The following FOXP1 variants were observed in gnomAD, a reference collection of about 807,000 sequenced individuals.
FOXP1 encodes forkhead box protein P1.
FOXP1 carries 15 observed loss-of-function variants against 98.2 expected under a neutral mutation model. The ratio of observed to expected loss-of-function variants is 0.15; its 90% CI spans 0.10 to 0.24. The LOEUF is 0.24. FOXP1 is among the 10% of genes least tolerant of loss of function. The probability of loss-of-function intolerance (pLI) is 1.00; values close to 1 mark genes in which losing one functional copy is unlikely to be tolerated. For missense variants in FOXP1, 633 were observed against 848.5 expected, an observed-to-expected ratio of 0.75 and a Z score of 3.15; for synonymous variants, 371 against 314.5, an observed-to-expected ratio of 1.18 and a Z score of -1.90.
intron 2 of FOXP1, chr3:71,572,011 T>A (rs2047379454): frequency 6.6e-6 from 1 of 152,240 alleles, no homozygotes. Context: ...CTTTAAAATA[T>A]GCAGAAATCA....
At chr3:71,541,849 A>C in intron 2 of FOXP1, 1 of 424,336 alleles carries the variant, frequency 2.4e-6, no homozygotes, top group South Asian at 1.8e-5. Context: ...AAACAAAAAA[A>C]CACCTTCTAG....
chr3:71,183,546 A>G (rs1011238056), intron 6 of FOXP1, among the ~76,000 whole-genome samples: 5 of 152,150 alleles, frequency 3.3e-5, no homozygotes, highest in Non-Finnish European at 5.9e-5. Context: ...GTTTGCAGAC[A>G]ATTTACCATG....
At chr3:71,127,435 A>T (rs1313844841) in intron 6 of FOXP1, among the ~76,000 whole-genome samples, 2 of 152,156 alleles carry the variant, frequency 1.3e-5, no homozygotes, top group African/African-American at 4.8e-5. Context: ...GTTTCAGCCC[A>T]TGCTGTATCT....
intron 3 of FOXP1, among the ~76,000 whole-genome samples, chr3:71,443,726 G>A (rs2086157680): frequency 6.6e-6 from 1 of 152,156 alleles, no homozygotes; most frequent in Non-Finnish European, 1.5e-5. Flanking sequence ...AGGGAGCTGA[G>A]TCTCATTTTG....
chr3:71,401,702 C>T (rs1354093791), intron 3 of FOXP1, among the ~76,000 whole-genome samples: 3 of 152,238 alleles, frequency 2.0e-5, no homozygotes, highest in Non-Finnish European at 4.4e-5. Context: ...TGCTCTAGTG[C>T]TGCACTAATT....
chr3:71,238,717 C>T (rs761288155), intron 5 of FOXP1, among the ~76,000 whole-genome samples: 22 of 152,180 alleles, frequency 1.4e-4, no homozygotes, highest in Non-Finnish European at 2.2e-4. Context: ...TGACTATTAT[C>T]GTTACAGGCA....
At chr3:71,240,065 A>G (rs1429245590) in intron 5 of FOXP1, among the ~76,000 whole-genome samples, 1 of 152,276 alleles carries the variant, frequency 6.6e-6, no homozygotes, top group Admixed American at 6.5e-5. Flanking sequence ...CACAGTCCCA[A>G]GAAATGAGAA....
Position 71,183,287 on chromosome 3 carries a change from A to G in FOXP1, c.180+14915T>C, listed in dbSNP as rs868740836. On this transcript the variant is annotated intron_variant, in intron 6 of 20. Coordinates refer to ENST00000649528, the MANE Select transcript of FOXP1 (RefSeq NM_001349338.3). ...GGCGGGTGGATCATTTGAGGTCTGGAGTTCAAGACCAGCCTGGCCAACATG... is the reference window on the plus strand; with the variant it reads ...GGCGGGTGGATCATTTGAGGTCTGGGGTTCAAGACCAGCCTGGCCAACATG... Among the ~76,000 whole-genome samples, 5 of 152,202 alleles carry G rather than the reference A, an allele frequency of 3.3e-5. No homozygotes were observed. In the Middle Eastern group the frequency reaches 0.01, roughly 311 times the overall value.
chr3:71,499,337 C>T (rs570501058), intron 2 of FOXP1, among the ~76,000 whole-genome samples: 1 of 152,278 alleles, frequency 6.6e-6, no homozygotes, highest in African/African-American at 2.4e-5. Flanking sequence ...ATGCAAAAGT[C>T]AAATTCAATG....
intron 2 of FOXP1, chr3:71,541,871 A>G (rs1011735064): frequency 4.8e-5 from 21 of 441,392 alleles, no homozygotes; most frequent in Non-Finnish European, 9.1e-5. Flanking sequence ...TTATTTATTC[A>G]GACGGTCTTG....
intron 11 of FOXP1, among the ~76,000 whole-genome samples, chr3:71,027,342 T>C (rs2046270278): frequency 6.6e-6 from 1 of 152,184 alleles, no homozygotes; most frequent in African/African-American, 2.4e-5. Context: ...TTCTAAGAGT[T>C]ACATCATACT....
At chr3:71,470,252 T>C (rs904545550) in intron 3 of FOXP1, among the ~76,000 whole-genome samples, 1 of 152,160 alleles carries the variant, frequency 6.6e-6, no homozygotes, top group Non-Finnish European at 1.5e-5. Flanking sequence ...TGTTTCTTCA[T>C]CTGTAAAACA....
intron 11 of FOXP1, among the ~76,000 whole-genome samples, chr3:71,040,650 A>G (rs551639072): frequency 6.6e-6 from 1 of 152,330 alleles, no homozygotes; most frequent in South Asian, 2.1e-4. Context: ...CAATTCAAAA[A>G]TAAAATGTCT....
At chr3:71,064,929 G>T in intron 7 of FOXP1, 1 of 338,442 alleles carries the variant, frequency 3.0e-6, no homozygotes, top group Non-Finnish European at 4.1e-6. Flanking sequence ...GACTGCACGC[G>T]CGCAGGGGCG....
At chr3:71,454,801 A>C (rs1184318548) in intron 3 of FOXP1, among the ~76,000 whole-genome samples, 3 of 56,730 alleles carry the variant, frequency 5.3e-5, no homozygotes, top group Non-Finnish European at 1.9e-4. Flanking sequence ...CTTTAAAAAA[A>C]AAAACAAAAA....
intron 19 of FOXP1, chr3:70,966,302 A>T: frequency 1.9e-6 from 1 of 527,224 alleles, no homozygotes; most frequent in Non-Finnish European, 3.4e-6. Context: ...GAAGGACTCA[A>T]TTTGGTCCTG....
intron 11 of FOXP1, among the ~76,000 whole-genome samples, chr3:71,029,246 A>G (rs1168077646): frequency 1.3e-5 from 2 of 152,192 alleles, no homozygotes; most frequent in African/African-American, 4.8e-5. Context: ...ACTATATGCC[A>G]GGCTGGCTTG....
intron 4 of FOXP1, among the ~76,000 whole-genome samples, chr3:71,315,407 A>G (rs989641640): frequency 6.6e-6 from 1 of 152,236 alleles, no homozygotes; most frequent in African/African-American, 2.4e-5. Flanking sequence ...CCAATAAAAA[A>G]AAAGACAAGG....
chr3:71,396,927 T>A (rs545095291), intron 3 of FOXP1, among the ~76,000 whole-genome samples: 1 of 109,712 alleles, frequency 9.1e-6, no homozygotes, highest in African/African-American at 4.0e-5. Flanking sequence ...TGTATATATA[T>A]ATATATACAC....
Sources: allele counts gnomAD v4.1 joint callset (sites outside exome capture counted in the v4.1 genomes callset), GRCh38; gene constraint gnomAD v4.1.1; transcripts MANE v1.5; gene names NCBI Gene and HGNC (gene_info 2026-07-23, HGNC 2026-07-21).